DPP10: variants seen among roughly 807,000 people sequenced by gnomAD.
The protein encoded by DPP10 is inactive dipeptidyl peptidase 10.
Under a neutral mutation model 120.9 loss-of-function variants are expected in DPP10, and 33 were observed. The ratio of observed to expected loss-of-function variants is 0.27; its 90% confidence interval spans 0.21 to 0.37. The LOEUF (loss-of-function observed/expected upper bound fraction) is 0.37, where lower values mean the gene tolerates loss of function less well. Among genes scored for constraint, DPP10 ranks in the 10% least tolerant of loss-of-function variants. The pLI is 1.00. For missense variants in DPP10, 816 were observed against 942.8 expected, an observed-to-expected ratio of 0.87 and a Z score of 1.76; for synonymous variants, 337 against 326.1, an observed-to-expected ratio of 1.03 and a Z score of -0.36.
chr2:114,678,886 A>T (rs1384401627), intron 1 of DPP10, among the ~76,000 whole-genome samples: 1 of 152,076 alleles, frequency 6.6e-6, no homozygotes, highest in Admixed American at 6.6e-5. Context: ...AAAATTAGTC[A>T]TTTTAAGAGG....
chr2:115,595,237 C>G (rs1340635836), intron 5 of DPP10, among the ~76,000 whole-genome samples: 1 of 152,058 alleles, frequency 6.6e-6, no homozygotes. Flanking sequence ...CTGAATCTGT[C>G]TTTCTCTTCC....
chr2:115,212,948 C>A (rs2056610301), intron 1 of DPP10, among the ~76,000 whole-genome samples: 1 of 152,104 alleles, frequency 6.6e-6, no homozygotes, highest in African/African-American at 2.4e-5. Context: ...CAGGATCATA[C>A]AAATAGTTCA....
At position 115,364,903 on chromosome 2, in the gene DPP10, A is replaced by G. The variant is rs538748110; in HGVS notation, c.271+20991A>G. ...TTGAAATTTTAGATGAAATATAAGTAGTAGAGGATATTTTTTCTCCTTCCA... is the reference window on the plus strand; with the variant it reads ...TTGAAATTTTAGATGAAATATAAGTGGTAGAGGATATTTTTTCTCCTTCCA... On this transcript the variant is annotated intron_variant, in intron 3 of 25. Transcript: ENST00000410059. 2.0e-5 allele frequency among the ~76,000 whole-genome samples: 3 copies of G among 152,272 alleles called. No individual in the cohort carries two copies. The South Asian group carries it at 6.2e-4, about 32-fold the overall frequency.
intron 1 of DPP10, among the ~76,000 whole-genome samples, chr2:115,077,057 A>T (rs1707860879): frequency 6.6e-6 from 1 of 152,150 alleles, no homozygotes; most frequent in Non-Finnish European, 1.5e-5. Flanking sequence ...TTTCATAGCT[A>T]AATTTTTGGG....
Position 115,526,026 on chromosome 2 carries a change from C to T in DPP10, c.441+54C>T. 2.1e-6 allele frequency: 3 copies of T among 1,450,350 alleles called. 1 individual carries two copies. In the South Asian group the frequency reaches 3.7e-5, roughly 18 times the overall value. 89.8% of individuals were successfully genotyped at this position (1,450,350 alleles called of 1,614,324 possible). Reference sequence around the variant, plus strand: ...TTTTCTTTGTGATGCATTGGGGTGACAATGCATAATTTTACTCAGCTATAA... The same window carrying T: ...TTTTCTTTGTGATGCATTGGGGTGATAATGCATAATTTTACTCAGCTATAA... On this transcript the variant is annotated intron_variant, in intron 5 of 25. Coordinates refer to ENST00000410059, the MANE Select transcript of DPP10 (RefSeq NM_020868.6).
intron 3 of DPP10, among the ~76,000 whole-genome samples, chr2:115,482,869 CCT>C (rs763308266): frequency 4.0e-5 from 6 of 151,866 alleles, no homozygotes; most frequent in Non-Finnish European, 8.8e-5. Context: ...GGGTGATTAA[CCT>C]CTGGGATTTT....
Position 115,023,226 on chromosome 2 carries a change from G to A in DPP10, c.61-286013G>A, listed in dbSNP as rs542135879. Among the ~76,000 whole-genome samples the A allele has an allele frequency of 3.3e-5, 5 of 152,216 alleles. No individual in the cohort carries two copies. In the East Asian group the frequency reaches 9.7e-4, roughly 29 times the overall value. On this transcript the variant is annotated intron_variant, in intron 1 of 25. Coordinates refer to ENST00000410059, the MANE Select transcript of DPP10 (RefSeq NM_020868.6). ...AGTAAACCGACAACCCACAGAGTGG[G>A]AGAAAATCTTCACAATCTATATATC... is the stretch of plus-strand genomic sequence containing the variant.
At chr2:115,048,191 T>C (rs1705208190) in intron 1 of DPP10, among the ~76,000 whole-genome samples, 1 of 152,032 alleles carries the variant, frequency 6.6e-6, no homozygotes, top group Non-Finnish European at 1.5e-5. Context: ...GTAACCCTCT[T>C]CCCATCATCA....
intron 3 of DPP10, among the ~76,000 whole-genome samples, chr2:115,478,430 G>GTT (rs1459921322): frequency 6.6e-6 from 1 of 152,122 alleles, no homozygotes; most frequent in African/African-American, 2.4e-5. Flanking sequence ...TCACTTAAGT[G>GTT]TTAAACCTAA....
chr2:114,808,079 A>C (rs1232856730), intron 1 of DPP10, among the ~76,000 whole-genome samples: 3 of 152,180 alleles, frequency 2.0e-5, no homozygotes, highest in Non-Finnish European at 4.4e-5. Context: ...CTGGACAGAA[A>C]CACATACCCT....
chr2:114,592,663 CT>C (rs1217700391), intron 1 of DPP10, among the ~76,000 whole-genome samples: 1 of 151,574 alleles, frequency 6.6e-6, no homozygotes, highest in Non-Finnish European at 1.5e-5. Context: ...ACTCTTCCCC[CT>C]GAAAAAAAAA....
intron 1 of DPP10, among the ~76,000 whole-genome samples, chr2:114,572,845 C>T (rs1397621643): frequency 6.6e-6 from 1 of 152,208 alleles, no homozygotes; most frequent in Non-Finnish European, 1.5e-5. Context: ...AGATTCATAT[C>T]ACAGCTTTTA....
intron 5 of DPP10, among the ~76,000 whole-genome samples, chr2:115,595,984 G>A (rs2082964063): frequency 6.6e-6 from 1 of 151,948 alleles, no homozygotes; most frequent in African/African-American, 2.4e-5. Flanking sequence ...GAAAACCTAG[G>A]AGGTAAGCAA....
intron 1 of DPP10, among the ~76,000 whole-genome samples, chr2:114,554,827 G>A (rs1339956920): frequency 3.9e-5 from 6 of 152,106 alleles, no homozygotes; most frequent in East Asian, 3.9e-4. Flanking sequence ...CAGCATGCAC[G>A]GACATTTGCT....
intron 1 of DPP10, among the ~76,000 whole-genome samples, chr2:114,672,793 T>C (rs1288791119): frequency 6.6e-6 from 1 of 152,190 alleles, no homozygotes; most frequent in Non-Finnish European, 1.5e-5. Context: ...AATTTATCAG[T>C]GCTTGTTGTT....
At chr2:114,574,150 AG>A (rs1689869198) in intron 1 of DPP10, among the ~76,000 whole-genome samples, 1 of 152,164 alleles carries the variant, frequency 6.6e-6, no homozygotes. Flanking sequence ...GTCAGTGAGA[AG>A]GGGCAGACCA....
chr2:115,538,441 G>C (rs1045795453), intron 5 of DPP10, among the ~76,000 whole-genome samples: 1 of 151,820 alleles, frequency 6.6e-6, no homozygotes, highest in Admixed American at 6.6e-5. Flanking sequence ...AAAATAAATA[G>C]ATAAAAGTAT....
intron 5 of DPP10, among the ~76,000 whole-genome samples, chr2:115,666,420 A>G (rs2089458440): frequency 1.3e-5 from 2 of 152,116 alleles, no homozygotes; most frequent in Non-Finnish European, 2.9e-5. Context: ...TATCACGAGA[A>G]CATCATGGAA....
At position 114,905,966 on chromosome 2, in the gene DPP10, A is replaced by G. The variant is rs80048996; in HGVS notation, c.61-403273A>G. Among the ~76,000 whole-genome samples, 1,016 of 152,348 alleles carry G rather than the reference A, an allele frequency of 6.7e-3. 16 individuals are homozygous for G. Among genetic ancestry groups the G allele is most frequent in the African/African-American group, 0.023 (975 of 41,582 alleles). On this transcript the variant is annotated intron_variant, in intron 1 of 25. Coordinates refer to ENST00000410059, the MANE Select transcript of DPP10 (RefSeq NM_020868.6). ...ATTTCTTAGGATATTCTGTATATAT[A>G]AAATCATGTTAACTACACATAGGAT...
Sources: allele counts gnomAD v4.1 joint callset (sites outside exome capture counted in the v4.1 genomes callset), GRCh38; gene constraint gnomAD v4.1.1; transcripts MANE v1.5; gene names NCBI Gene and HGNC (gene_info 2026-07-23, HGNC 2026-07-21).